TMEM222: variants seen among roughly 807,000 people sequenced by gnomAD.
TMEM222 encodes transmembrane protein 222.
In TMEM222, 18 loss-of-function variants were observed where a neutral mutation model predicts 25.1. The observed-to-expected ratio is 0.72, with a 90% confidence interval of 0.50 to 1.06. TMEM222 has a LOEUF of 1.06. TMEM222 is among the 50% of genes least tolerant of loss of function. The probability of loss-of-function intolerance (pLI) is 0.00; values close to 1 mark genes in which losing one functional copy is unlikely to be tolerated. For missense variants in TMEM222, 296 were observed against 293.7 expected (o/e 1.01, Z -0.06); for synonymous variants, 131 against 117.9 (o/e 1.11, Z -0.72).
At chr1:27,331,677 C>T (rs2014482231) in intron 2 of TMEM222, among the ~76,000 whole-genome samples, 1 of 152,268 alleles carries the variant, frequency 6.6e-6, no homozygotes, top group Non-Finnish European at 1.5e-5. Flanking sequence ...TGGGCCACCA[C>T]TGTTGAGTCA....
At chr1:27,333,675 A>G (rs2014535907) in intron 3 of TMEM222, 1 of 469,840 alleles carries the variant, frequency 2.1e-6, no homozygotes, top group Non-Finnish European at 3.9e-6. Context: ...TCCTCATACC[A>G]TCACCTTGAG....
rs534593798 is a variant in TMEM222, at chr1:27,335,631, TG to T, written c.*170del. 281 of 663,626 alleles carry T rather than the reference TG, an allele frequency of 4.2e-4. No homozygotes were observed. The African/African-American group carries it at 4.2e-3, about 10-fold the overall frequency. The allele number at this position is 663,626 out of a possible 1,614,324, so 41.1% of individuals were successfully genotyped here. On this transcript the variant is annotated 3_prime_UTR_variant, in exon 6 of 6. Transcript: ENST00000374076. Reference sequence around the variant, plus strand: ...GGAAGGACTGAGGACCAGCATGAAGTGGGGGTTTGTTGTCTCCCTGCCTCTC... The same window carrying T: ...GGAAGGACTGAGGACCAGCATGAAGTGGGGTTTGTTGTCTCCCTGCCTCTC...
chr1:27,325,588 C>T (rs762880947), intron 1 of TMEM222: 10 of 996,788 alleles, frequency 1.0e-5, no homozygotes, highest in South Asian at 3.8e-5. Context: ...ACCATGTACC[C>T]GGGCATCACC....
At chr1:27,323,841 T>G (rs1010291794) in intron 1 of TMEM222, among the ~76,000 whole-genome samples, 2 of 152,228 alleles carry the variant, frequency 1.3e-5, no homozygotes, top group African/African-American at 4.8e-5. Flanking sequence ...TTCTAACACA[T>G]GTGCTAAGTG....
chr1:27,334,709 G>T, intron 5 of TMEM222: 1 of 1,349,404 alleles, frequency 7.4e-7, no homozygotes, highest in South Asian at 1.3e-5. Context: ...GCCCATGGTC[G>T]CCACAGCATG....
At chr1:27,325,980 A>C (rs2014338685) in intron 1 of TMEM222, among the ~76,000 whole-genome samples, 1 of 152,162 alleles carries the variant, frequency 6.6e-6, no homozygotes, top group South Asian at 2.1e-4. Flanking sequence ...GCTGATTTTG[A>C]CCTTGTATTC....
intron 5 of TMEM222, 147 bp downstream of exon 5, chr1:27,334,428 A>C (rs1337177466): frequency 7.4e-7 from 1 of 1,350,504 alleles, no homozygotes; most frequent in Non-Finnish European, 1.0e-6. Flanking sequence ...TAGAGTGACG[A>C]GCTGAGGGCC....
chr1:27,324,769 G>C (rs968551367), intron 1 of TMEM222, among the ~76,000 whole-genome samples: 10 of 152,186 alleles, frequency 6.6e-5, no homozygotes, highest in South Asian at 2.1e-4. Context: ...TAAGGCAAAG[G>C]GGGAGGGAGG....
rs144121858 is a variant in TMEM222 at position 27,323,592 on chromosome 1, G to A, written c.194+1201G>A. Among the ~76,000 whole-genome samples, 248 of 152,058 alleles carry A rather than the reference G, an allele frequency of 1.6e-3. 2 individuals carry two copies. Among genetic ancestry groups the A allele is most frequent in the African/African-American group, 5.8e-3 (241 of 41,456 alleles). Reference sequence around the variant, plus strand: ...AGTTCGAGACCAACCTGGCCATCGTGGCGAAACCCGTCTCTACTAAAAATA... The same window carrying A: ...AGTTCGAGACCAACCTGGCCATCGTAGCGAAACCCGTCTCTACTAAAAATA... On this transcript the variant is annotated intron_variant, in intron 1 of 5. Transcript: ENST00000374076.
At position 27,333,714 on chromosome 1, in the gene TMEM222, GAC is replaced by G. The variant is rs2014536791; in HGVS notation, c.312-240_312-239del. On this transcript the variant is annotated intron_variant, in intron 3 of 5. Transcript: ENST00000374076. ...TAAGATTTCAACATATGAACTTGGG[GAC>G]ACAGACTTTCAGAGCATAGCACCCC... is the stretch of plus-strand genomic sequence containing the variant. 21 of 556,372 alleles carry G rather than the reference GAC, an allele frequency of 3.8e-5. 1 individual carries two copies. The South Asian group carries it at 4.1e-4, about 11-fold the overall frequency. The allele number at this position is 556,372 out of a possible 1,614,324, so 34.5% of individuals were successfully genotyped here. A position where few individuals can be genotyped will look rare whatever the true frequency, so the allele number is the denominator to read the frequency against.
chr1:27,328,393 A>G (rs776754235), intron 1 of TMEM222, among the ~76,000 whole-genome samples: 4 of 152,204 alleles, frequency 2.6e-5, no homozygotes, highest in Non-Finnish European at 4.4e-5. Flanking sequence ...GAAGTGTATT[A>G]TAAGTGTAGT....
intron 1 of TMEM222, among the ~76,000 whole-genome samples, chr1:27,328,807 C>T (rs1326968844): frequency 6.6e-6 from 1 of 152,242 alleles, no homozygotes. Context: ...CCCCAGCCCC[C>T]TGTAACTGCT....
rs749061072 is a variant in TMEM222, at chr1:27,335,392, G to C, written c.553G>C (p.Val185Leu). 34 of 1,614,088 alleles carry C rather than the reference G, an allele frequency of 2.1e-5. No individual in the cohort carries two copies. In the African/African-American group the frequency reaches 3.5e-4, roughly 16 times the overall value. Residue 185 changes from valine (V) to leucine (L), a missense_variant, in exon 6 of 6, where the codon GTG becomes CTG. Transcript: ENST00000374076. The stretch of plus-strand genomic sequence containing the variant: ...TCTCTCTGTCAGCGTTGGGGCCTTC[G>C]TGAAGACCTGGCTGCCCTTCATCCT... The part of the protein sequence containing the change: ...YGKYVSVGAF[V>L]KTWLPFILLL...
intron 2 of TMEM222, 134 bp from the exon 3 acceptor site, chr1:27,331,936 C>T (rs1035586879): frequency 2.1e-6 from 2 of 932,078 alleles, no homozygotes; most frequent in Non-Finnish European, 1.7e-6. Context: ...CAGGGCAGGG[C>T]CCAGGCCCCA....
intron 1 of TMEM222, among the ~76,000 whole-genome samples, chr1:27,323,308 G>A (rs1381850387): frequency 6.6e-6 from 1 of 152,126 alleles, no homozygotes; most frequent in African/African-American, 2.4e-5. Flanking sequence ...TCACCTGATG[G>A]GATAGCTTGT....
At chr1:27,332,391 A>C (rs1265163546) in intron 3 of TMEM222, 1 of 717,904 alleles carries the variant, frequency 1.4e-6, no homozygotes, top group South Asian at 1.5e-5. Context: ...GACTTGGTCA[A>C]GGTCACACAG....
intron 3 of TMEM222, 174 bp downstream of exon 3, chr1:27,332,275 C>T (rs925654427): frequency 3.1e-5 from 23 of 736,056 alleles, no homozygotes; most frequent in South Asian, 4.6e-5. Context: ...GAGTGTGTAC[C>T]GCACCAGCCC....
chr1:27,329,360 G>A (rs1298256121), intron 1 of TMEM222, among the ~76,000 whole-genome samples: 1 of 152,018 alleles, frequency 6.6e-6, no homozygotes, highest in Admixed American at 6.6e-5. Context: ...AGACCCAGAG[G>A]ACCCCCTTGT....
At chr1:27,324,788 A>G (rs1314941221) in intron 1 of TMEM222, among the ~76,000 whole-genome samples, 1 of 152,162 alleles carries the variant, frequency 6.6e-6, no homozygotes, top group South Asian at 2.1e-4. Flanking sequence ...GGCATCTCAC[A>G]TGGCGGGATT....
Sources: gnomAD v4.1 joint callset for allele counts (sites outside exome capture counted in the v4.1 genomes callset) on GRCh38, gnomAD v4.1.1 for gene constraint, MANE v1.5 for transcripts, NCBI Gene and HGNC (gene_info 2026-07-23, HGNC 2026-07-21) for gene names.